CTNND2: variants seen among roughly 807,000 people sequenced by gnomAD.
The protein encoded by CTNND2 is catenin delta 2, also known as catenin delta-2.
A neutral mutation model predicts 144.4 loss-of-function variants in CTNND2; 22 were observed. The ratio of observed to expected loss-of-function variants is 0.15; its 90% confidence interval spans 0.11 to 0.22. The LOEUF is 0.22. CTNND2 is among the 10% of genes least tolerant of loss of function. The pLI is 1.00. For missense variants in CTNND2, 1,353 were observed against 1,618.8 expected, an observed-to-expected ratio of 0.84 and a Z score of 2.82; for synonymous variants, 751 against 695.6, an observed-to-expected ratio of 1.08 and a Z score of -1.25.
At chr5:11,193,088 G>A (rs1736483768) in intron 11 of CTNND2, among the ~76,000 whole-genome samples, 1 of 152,176 alleles carries the variant, frequency 6.6e-6, no homozygotes, top group Non-Finnish European at 1.5e-5. Context: ...ATTCCAGCGT[G>A]AGGCAGCCCC....
At chr5:11,561,610 A>T (rs1330091227) in intron 3 of CTNND2, among the ~76,000 whole-genome samples, 1 of 152,244 alleles carries the variant, frequency 6.6e-6, no homozygotes, top group Non-Finnish European at 1.5e-5. Flanking sequence ...TGCAACAATA[A>T]AGATCTCCAG....
At chr5:11,711,666 G>A (rs566714539) in intron 2 of CTNND2, among the ~76,000 whole-genome samples, 32 of 152,216 alleles carry the variant, frequency 2.1e-4, no homozygotes, top group African/African-American at 5.5e-4. Context: ...TAAAACTGAC[G>A]CACAGAGAGG....
intron 1 of CTNND2, among the ~76,000 whole-genome samples, chr5:11,890,256 A>G (rs1736854198): frequency 6.6e-6 from 1 of 152,296 alleles, no homozygotes; most frequent in South Asian, 2.1e-4. Context: ...TCATGAACCA[A>G]AAGTATAGTC....
intron 16 of CTNND2, among the ~76,000 whole-genome samples, chr5:11,042,079 G>T (rs1260108701): frequency 6.6e-6 from 1 of 152,064 alleles, no homozygotes; most frequent in Admixed American, 6.5e-5. Flanking sequence ...AGCAGTCTTG[G>T]GCATGGCATC....
intron 3 of CTNND2, among the ~76,000 whole-genome samples, chr5:11,564,277 T>G (rs1344435315): frequency 6.6e-6 from 1 of 152,218 alleles, no homozygotes; most frequent in Admixed American, 6.5e-5. Flanking sequence ...GAAATGGAAG[T>G]TAAGCCTTAT....
chr5:11,354,641 T>C (rs566639681), intron 8 of CTNND2, among the ~76,000 whole-genome samples: 67 of 152,284 alleles, frequency 4.4e-4, no homozygotes, highest in Admixed American at 3.4e-3. Context: ...AAGGAAGAGA[T>C]AGACTATAGA....
intron 2 of CTNND2, among the ~76,000 whole-genome samples, chr5:11,642,852 G>A (rs1480738383): frequency 6.6e-6 from 1 of 152,154 alleles, no homozygotes; most frequent in Non-Finnish European, 1.5e-5. Context: ...TAATTGCCGT[G>A]GTTACTGTGA....
intron 1 of CTNND2, among the ~76,000 whole-genome samples, chr5:11,792,653 A>T (rs1006126114): frequency 6.6e-6 from 1 of 152,228 alleles, no homozygotes; most frequent in Non-Finnish European, 1.5e-5. Context: ...CATGCCTGAC[A>T]TGGCTTTTTA....
At chr5:10,974,594 T>C (rs1045224501) in intron 21 of CTNND2, among the ~76,000 whole-genome samples, 2 of 152,218 alleles carry the variant, frequency 1.3e-5, no homozygotes, top group Admixed American at 6.5e-5. Context: ...TCCCAAGGTA[T>C]AGGGTGAGGT....
At chr5:11,334,946 T>C (rs956638647) in intron 9 of CTNND2, among the ~76,000 whole-genome samples, 2 of 152,258 alleles carry the variant, frequency 1.3e-5, no homozygotes, top group Admixed American at 1.3e-4. Flanking sequence ...TTCTGTCATC[T>C]TACTCTTCAA....
chr5:11,167,342 T>G (rs376583021), intron 11 of CTNND2, among the ~76,000 whole-genome samples: 33 of 152,336 alleles, frequency 2.2e-4, no homozygotes, highest in African/African-American at 7.7e-4. Context: ...TAGGTAGAAT[T>G]ATTCTTGCTC....
At chr5:11,043,006 C>T (rs1331377568) in intron 16 of CTNND2, among the ~76,000 whole-genome samples, 1 of 151,992 alleles carries the variant, frequency 6.6e-6, no homozygotes, top group African/African-American at 2.4e-5. Flanking sequence ...TCAAAAAATA[C>T]TTCCAATCAC....
intron 1 of CTNND2, among the ~76,000 whole-genome samples, chr5:11,867,102 T>A (rs1158667843): frequency 6.6e-6 from 1 of 152,236 alleles, no homozygotes; most frequent in Non-Finnish European, 1.5e-5. Context: ...GGACTGCCAA[T>A]GCATAATGAC....
At chr5:10,992,078 C>T (rs968640471) in intron 19 of CTNND2, among the ~76,000 whole-genome samples, 6 of 152,116 alleles carry the variant, frequency 3.9e-5, no homozygotes, top group South Asian at 2.1e-4. Flanking sequence ...CCAACAAGCC[C>T]GGCTAATTTT....
At chr5:11,088,212 C>T (rs1750382297) in intron 15 of CTNND2, among the ~76,000 whole-genome samples, 1 of 152,104 alleles carries the variant, frequency 6.6e-6, no homozygotes, top group Admixed American at 6.6e-5. Context: ...TGGTATGAGA[C>T]TCAGGCTGCC....
chr5:11,606,466 T>C lies in CTNND2; in HGVS notation c.175-41410A>G, dbSNP rs558148923. Among the ~76,000 whole-genome samples the C allele has an allele frequency of 7.2e-4, 109 of 151,960 alleles. 1 individual carries two copies. The South Asian group carries it at 0.015, about 21-fold the overall frequency. On this transcript the variant is annotated intron_variant, in intron 2 of 21. Transcript: ENST00000304623. ...GACACATTGGGATGGCTCGGCTCTT[T>C]GGACAGAGTTTGAGGGAATGGAGGG...
chr5:11,106,990 C>G (rs1457054450), intron 14 of CTNND2, among the ~76,000 whole-genome samples: 1 of 152,122 alleles, frequency 6.6e-6, no homozygotes, highest in African/African-American at 2.4e-5. Context: ...AGATGAGAGC[C>G]CCATAAAATA....
intron 9 of CTNND2, among the ~76,000 whole-genome samples, chr5:11,326,987 C>T (rs1171321457): frequency 2.6e-5 from 4 of 152,196 alleles, no homozygotes; most frequent in Non-Finnish European, 5.9e-5. Flanking sequence ...GCATTGGTGA[C>T]TTCTGATGAT....
chr5:11,364,732 G>A lies in CTNND2; in HGVS notation c.1336C>T (p.Pro446Ser). ...SLSQSQGDPL[P>S]PAHTGTYRTS... ...CGGTAGGTGCCGGTGTGTGCTGGCG[G>A]CAGAGGGTCCCCCTGGCTCTGGCTG... Residue 446 changes from proline to serine, a missense_variant, in exon 8 of 22, where the codon CCG becomes TCG. By Grantham distance (74) the Pro-to-Ser change is moderately conservative. Coordinates refer to ENST00000304623, the MANE Select transcript of CTNND2 (RefSeq NM_001332.4). 1 of 1,613,660 alleles carries A rather than the reference G, an allele frequency of 6.2e-7. No homozygotes were observed.
Sources: allele counts gnomAD v4.1 joint callset (sites outside exome capture counted in the v4.1 genomes callset), GRCh38; gene constraint gnomAD v4.1.1; transcripts MANE v1.5; gene names NCBI Gene and HGNC (gene_info 2026-07-23, HGNC 2026-07-21).